ZNF676: variants seen among roughly 807,000 people sequenced by gnomAD.
ZNF676 encodes the protein zinc finger protein 676.
Under a neutral mutation model 6.0 loss-of-function variants are expected in ZNF676, and 4 were observed. That is an observed-to-expected ratio of 0.67 (90% confidence interval 0.33 to 1.53). The LOEUF (loss-of-function observed/expected upper bound fraction) is 1.53, where lower values mean the gene tolerates loss of function less well. Among genes scored for constraint, ZNF676 ranks in the 40% most tolerant of loss-of-function variants. The pLI, the probability that ZNF676 is intolerant of heterozygous loss-of-function variation, is 0.06. For missense variants in ZNF676, 644 were observed against 679.7 expected (o/e 0.95, Z 0.58); for synonymous variants, 198 against 223.1 (o/e 0.89, Z 1.00).
At chr19:22,257,234 G>GACCCAGAGAAACAC in the ZNF676 span, among the ~76,000 whole-genome samples, 1 of 152,100 alleles carries the variant, frequency 6.6e-6, no homozygotes, top group Non-Finnish European at 1.5e-5. Flanking sequence ...ACATGACCTG[G>GACCCAGAGAAACAC]TTGCCAGACC....
At chr19:22,255,092 G>A in the ZNF676 span, among the ~76,000 whole-genome samples, 5 of 152,196 alleles carry the variant, frequency 3.3e-5, no homozygotes, top group Admixed American at 6.5e-5. Flanking sequence ...AACTGGATCT[G>A]TGTATTAAAT....
upstream of ZNF676, chr19:22,197,017 A>AT (rs1464714316): frequency 6.5e-6 from 2 of 306,470 alleles, no homozygotes; most frequent in Admixed American, 9.7e-5. Context: ...TTTGAGTGCT[A>AT]TATTTACATC....
chr19:22,197,927 TA>T (rs2023986162), upstream of ZNF676, among the ~76,000 whole-genome samples: 1 of 152,138 alleles, frequency 6.6e-6, no homozygotes. Flanking sequence ...AATTTAACCA[TA>T]AGGAAACATT....
At chr19:22,210,604 A>G (rs2024118862) in intron 1 of ZNF676, among the ~76,000 whole-genome samples, 1 of 152,190 alleles carries the variant, frequency 6.6e-6, no homozygotes, top group Non-Finnish European at 1.5e-5. Context: ...AAAATTCTCT[A>G]TCCTCTGTGT....
At chr19:22,232,263 G>T in the ZNF676 span, among the ~76,000 whole-genome samples, 1 of 151,906 alleles carries the variant, frequency 6.6e-6, no homozygotes, top group African/African-American at 2.4e-5. Context: ...CACCTCCCAG[G>T]TTCAAGTGAT....
the ZNF676 span, among the ~76,000 whole-genome samples, chr19:22,226,069 A>C: frequency 6.6e-6 from 1 of 151,912 alleles, no homozygotes; most frequent in Non-Finnish European, 1.5e-5. Context: ...GCTATTTTTT[A>C]TATCTAAGTA....
At chr19:22,219,034 T>A (rs1334344101), upstream of ZNF676, among the ~76,000 whole-genome samples, 25 of 46,716 alleles carry the variant, frequency 5.4e-4, no homozygotes, top group South Asian at 0.014. Context: ...AGTTTTAGGA[T>A]TTTTTTTTTT....
At chr19:22,190,464 A>G (rs180842717) in intron 2 of ZNF676, among the ~76,000 whole-genome samples, 98 of 151,880 alleles carry the variant, frequency 6.5e-4, no homozygotes, top group Admixed American at 5.8e-3. Flanking sequence ...CTAAAAGTAT[A>G]TAGAATCTCA....
chr19:22,189,418 TAGA>T (rs947689222), intron 2 of ZNF676, among the ~76,000 whole-genome samples: 33 of 152,070 alleles, frequency 2.2e-4, no homozygotes, highest in African/African-American at 7.7e-4. Flanking sequence ...ATAAAAATCC[TAGA>T]AGAAAACCTA....
At chr19:22,219,222 C>T (rs1302032696), upstream of ZNF676, among the ~76,000 whole-genome samples, 1 of 151,924 alleles carries the variant, frequency 6.6e-6, no homozygotes, top group Non-Finnish European at 1.5e-5. Context: ...TCTCAGCCTC[C>T]CTTGTAGCTG....
upstream of ZNF676, among the ~76,000 whole-genome samples, chr19:22,197,384 T>C (rs576598528): frequency 1.4e-4 from 21 of 152,074 alleles, no homozygotes; most frequent in African/African-American, 5.1e-4. Flanking sequence ...TTGCATATTA[T>C]TCAGATGGAA....
intron 1 of ZNF676, among the ~76,000 whole-genome samples, chr19:22,211,665 A>G (rs1352572431): frequency 6.6e-6 from 1 of 152,176 alleles, no homozygotes; most frequent in Non-Finnish European, 1.5e-5. Context: ...AAAATTTACC[A>G]TTAAACTCAG....
chr19:22,216,610 A>G (rs1206582851), upstream of ZNF676, among the ~76,000 whole-genome samples: 2 of 127,238 alleles, frequency 1.6e-5, no homozygotes, highest in Non-Finnish European at 1.6e-5. Context: ...TTTTATTTTA[A>G]TAGCCTTTTT....
At chr19:22,237,673 G>C in the ZNF676 span, among the ~76,000 whole-genome samples, 10 of 152,200 alleles carry the variant, frequency 6.6e-5, no homozygotes, top group Non-Finnish European at 1.2e-4. Context: ...CTCAGACAAA[G>C]GTGGAAAGGC....
rs116126217 is a variant in ZNF676, at chr19:22,202,692, C to G, written c.4-5966G>C. Among the ~76,000 whole-genome samples, 829 of 152,300 alleles carry G rather than the reference C, an allele frequency of 5.4e-3. 9 individuals are homozygous for G. Among genetic ancestry groups the G allele is most frequent in the African/African-American group, 0.019 (799 of 41,566 alleles). ...GAGATTGCAAAGACAGAAAGACAGT[C>G]ACCATAATTCATCTACAAGTAGAAT... On this transcript the variant is annotated intron_variant, in intron 1 of 3. Coordinates refer to the ZNF676 transcript ENST00000650058.
chr19:22,257,850 G>A, the ZNF676 span, among the ~76,000 whole-genome samples: 1 of 152,156 alleles, frequency 6.6e-6, no homozygotes, highest in Non-Finnish European at 1.5e-5. Context: ...GCCCTCAGGT[G>A]CGTAGGGCTT....
At chr19:22,201,751 A>G (rs1452482550), upstream of ZNF676, among the ~76,000 whole-genome samples, 1 of 149,816 alleles carries the variant, frequency 6.7e-6, no homozygotes, top group East Asian at 1.9e-4. Flanking sequence ...AAAAAAAAAA[A>G]AAAAAAAGAG....
Position 22,215,552 on chromosome 19 carries a change from T to C in ZNF676, c.3+80A>G, listed in dbSNP as rs1251316448. 3.9e-6 allele frequency: 6 copies of C among 1,522,336 alleles called. No homozygotes were observed. In the African/African-American group the frequency reaches 8.2e-5, roughly 21 times the overall value. 94.3% of individuals were successfully genotyped at this position (1,522,336 alleles called of 1,614,324 possible). On this transcript the variant is annotated intron_variant, in intron 1 of 3. Transcript: ENST00000650058. Reference sequence around the variant, plus strand: ...TTGTGGAGCTGACTGCGGGTAGGCTTGAGTCCCGCCACAGCCACTTCCCGC... The same window carrying C: ...TTGTGGAGCTGACTGCGGGTAGGCTCGAGTCCCGCCACAGCCACTTCCCGC...
At position 22,180,498 on chromosome 19, in the gene ZNF676, T is replaced by C. The variant is rs769926183; in HGVS notation, c.1219A>G (p.Lys407Glu). ...TGAATTCTCTTATGTTCCATGAGCT[T>C]TGAGGATGAGTTGGAAGCTTTGCCA... ...ECGKASNSSS[K>E]LMEHKRIHTG... The change falls in exon 3 of 3, where the codon AAG becomes GAG. Residue 407 changes from lysine (K) to glutamate (E), a missense_variant. Physicochemically the swap from Lys to Glu is moderately conservative, Grantham distance 56 (BLOSUM62 1). This residue lies in a region of ZNF676 where 306 missense variants were observed against 265.4 expected (regional missense o/e 1.15). Transcript: ENST00000397121. 1.1e-5 allele frequency: 18 copies of C among 1,605,974 alleles called. No individual in the cohort carries two copies. The highest frequency in any genetic ancestry group is 1.7e-4 in the Middle Eastern group (1 of 6,006).
Sources: gnomAD v4.1 joint callset for allele counts (sites outside exome capture counted in the v4.1 genomes callset) on GRCh38, gnomAD v4.1.1 for gene constraint, gnomAD v4.1.1 regional missense constraint, MANE v1.5 for transcripts, NCBI Gene and HGNC (gene_info 2026-07-23, HGNC 2026-07-21) for gene names.